The following RUNX1T1 variants were observed in gnomAD, a reference collection of about 807,000 sequenced individuals.
The protein encoded by RUNX1T1 is RUNX1 partner transcriptional co-repressor 1.
A neutral mutation model predicts 62.8 loss-of-function variants in RUNX1T1; 4 were observed. That is an observed-to-expected ratio of 0.06 (90% CI 0.03 to 0.15). The LOEUF (loss-of-function observed/expected upper bound fraction) is 0.15, where lower values mean the gene tolerates loss of function less well. RUNX1T1 is among the 10% of genes least tolerant of loss of function. The probability of loss-of-function intolerance (pLI) is 1.00; values close to 1 mark genes in which losing one functional copy is unlikely to be tolerated. For missense variants in RUNX1T1, 508 were observed against 754.3 expected (o/e 0.67, Z 3.82); for synonymous variants, 291 against 286.0 (o/e 1.02, Z -0.18).
At chr8:91,999,541 C>T (rs1184549588) in intron 5 of RUNX1T1, among the ~76,000 whole-genome samples, 1 of 152,114 alleles carries the variant, frequency 6.6e-6, no homozygotes, top group Non-Finnish European at 1.5e-5. Flanking sequence ...TACAGAATCA[C>T]GGCTATGAGA....
intron 6 of RUNX1T1, among the ~76,000 whole-genome samples, chr8:91,990,067 T>G (rs970451717): frequency 6.6e-6 from 1 of 151,830 alleles, no homozygotes; most frequent in African/African-American, 2.4e-5. Flanking sequence ...GGGAGTTGGG[T>G]GTAGAAAGGT....
intron 1 of RUNX1T1, among the ~76,000 whole-genome samples, chr8:92,052,042 G>A (rs6991006): frequency 0.22 from 33,812 of 152,030 alleles, 3,899 homozygotes; most frequent in African/African-American, 0.27. Flanking sequence ...ACAGGAGGCA[G>A]AGGCCACAAA....
In RUNX1T1 at chr8:91,986,876, T is replaced by G; in HGVS notation, c.996+11A>C. The G allele has an allele frequency of 6.5e-7, 1 of 1,529,742 alleles. No homozygotes were observed. The highest frequency in any genetic ancestry group is 9.1e-7 in the Non-Finnish European group (1 of 1,104,052). 94.8% of individuals were successfully genotyped at this position (1,529,742 alleles called of 1,614,324 possible). On this transcript the variant is annotated intron_variant, in intron 7 of 10. Transcript: ENST00000396218. ...ACATTTTTTAATCCCAAATGATTAC[T>G]GATGTCTTACATGGTCAAGATGTTT... is the stretch of plus-strand genomic sequence containing the variant.
intron 1 of RUNX1T1, among the ~76,000 whole-genome samples, chr8:92,088,537 C>G (rs1836488923): frequency 6.6e-6 from 1 of 152,172 alleles, no homozygotes; most frequent in South Asian, 2.1e-4. Context: ...TTCCACAATA[C>G]AGCTGTGCTA....
chr8:92,102,357 A>T (rs1838076699), upstream of RUNX1T1, among the ~76,000 whole-genome samples: 1 of 150,244 alleles, frequency 6.7e-6, no homozygotes, highest in Non-Finnish European at 1.5e-5. The surrounding 1 kb of genome is among the most constrained non-coding windows in gnomAD (Gnocchi z 4.5). Flanking sequence ...CCGCCTCTTT[A>T]CTCCTTAGGG....
intron 9 of RUNX1T1, among the ~76,000 whole-genome samples, chr8:91,972,621 G>A (rs936915629): frequency 2.6e-5 from 4 of 151,954 alleles, no homozygotes; most frequent in African/African-American, 9.7e-5. Context: ...AATATTCAAG[G>A]TGAATTAAAA....
At chr8:92,075,974 A>G (rs1452425691) in exon 2 of RUNX1T1, 1 of 1,611,126 alleles carries the variant, frequency 6.2e-7, no homozygotes, top group African/African-American at 1.3e-5. Flanking sequence ...CCTTGACAAT[A>G]TTCAAAGTTC....
intron 5 of RUNX1T1, among the ~76,000 whole-genome samples, chr8:92,002,292 A>G (rs1335011385): frequency 6.6e-6 from 1 of 152,150 alleles, no homozygotes; most frequent in East Asian, 1.9e-4. Flanking sequence ...CCAGAGCTAC[A>G]TTTAAAAGAA....
rs1489282085 is a variant in RUNX1T1 at position 92,007,984 on chromosome 8, A to AG, written c.478-2688_478-2687insC. ...CTTTGTTTCAAAAAAAAAAAAAAAA[A>AG]AAAGAAAGAAAGAAAAAGAAAAGGA... On this transcript the variant is annotated intron_variant, in intron 4 of 10. Coordinates refer to ENST00000396218, the Ensembl canonical transcript of RUNX1T1. 3.8e-4 allele frequency among the ~76,000 whole-genome samples: 57 copies of AG among 150,418 alleles called. 1 individual carries two copies. The highest frequency in any genetic ancestry group is 1.3e-3 in the African/African-American group (53 of 40,310).
chr8:92,002,059 T>C lies in RUNX1T1; in HGVS notation c.659+3057A>G, dbSNP rs370590436. 6.6e-5 allele frequency among the ~76,000 whole-genome samples: 10 copies of C among 152,304 alleles called. No homozygotes were observed. In the East Asian group the frequency reaches 1.4e-3, roughly 21 times the overall value. ...CAAAACAAACGATCACATTCCTTTC[T>C]TCAGCATCTCCCACCACAGAATGGT... is the stretch of plus-strand genomic sequence containing the variant. On this transcript the variant is annotated intron_variant, in intron 5 of 10. Transcript: ENST00000396218.
At chr8:91,994,487 C>T (rs1818300547) in intron 5 of RUNX1T1, 1 of 394,770 alleles carries the variant, frequency 2.5e-6, no homozygotes, top group African/African-American at 2.1e-5. Context: ...CAGCACCTAC[C>T]TTACTGGCAT....
chr8:91,980,792 C>T (rs768850861), intron 8 of RUNX1T1, among the ~76,000 whole-genome samples: 2 of 152,114 alleles, frequency 1.3e-5, no homozygotes, highest in Non-Finnish European at 2.9e-5. Context: ...CCATCTTAGC[C>T]TCCTGAGCAA....
chr8:92,076,032 G>A (rs1033444360), exon 2 of RUNX1T1: 2 of 1,610,422 alleles, frequency 1.2e-6, no homozygotes, highest in Admixed American at 3.4e-5. Context: ...CTCTCCAAGT[G>A]TTTCTTTTGA....
chr8:92,100,976 C>A (rs2130954763), upstream of RUNX1T1, among the ~76,000 whole-genome samples: 1 of 152,290 alleles, frequency 6.6e-6, no homozygotes, highest in South Asian at 2.1e-4. Flanking sequence ...CTGCCATAAA[C>A]TAAAAGGAGG....
rs1831031124 is a variant in RUNX1T1, at chr8:92,056,360, C to T, written c.7+6186G>A. Among the ~76,000 whole-genome samples the T allele has an allele frequency of 2.0e-5, 3 of 152,302 alleles. No homozygotes were observed. In the South Asian group the frequency reaches 6.2e-4, roughly 32 times the overall value. On this transcript the variant is annotated intron_variant, in intron 1 of 10. Transcript: ENST00000396218. ...TCCCTTCTTCCTAAAAAGCATTTCA[C>T]CTAGCTGATTATATAGCTCTTAAAG...
chr8:91,997,442 A>T (rs542302885), intron 5 of RUNX1T1, among the ~76,000 whole-genome samples: 18 of 152,150 alleles, frequency 1.2e-4, no homozygotes, highest in Non-Finnish European at 2.6e-4. Context: ...CCTAAGAAAG[A>T]AGAAACTTAA....
At chr8:92,041,609 G>A (rs1206423053) in intron 1 of RUNX1T1, among the ~76,000 whole-genome samples, 1 of 152,024 alleles carries the variant, frequency 6.6e-6, no homozygotes, top group East Asian at 1.9e-4. Flanking sequence ...GGGCGTGGTG[G>A]CATGCGCCTG....
chr8:92,083,766 T>G (rs1835658776), intron 1 of RUNX1T1, among the ~76,000 whole-genome samples: 1 of 152,180 alleles, frequency 6.6e-6, no homozygotes, highest in Admixed American at 6.5e-5. Flanking sequence ...CCCAAAGGAT[T>G]GTAAGTCATT....
chr8:91,978,224 A>C (rs865930204), intron 8 of RUNX1T1, among the ~76,000 whole-genome samples: 2 of 152,356 alleles, frequency 1.3e-5, no homozygotes, highest in Middle Eastern at 3.4e-3. Flanking sequence ...TCTAGCACCC[A>C]GTGAAGCTAG....
Sources: allele counts gnomAD v4.1 joint callset (sites outside exome capture counted in the v4.1 genomes callset), GRCh38; gene constraint gnomAD v4.1.1; non-coding constraint Gnocchi (gnomAD v3.1); transcripts MANE v1.5; gene names NCBI Gene and HGNC (gene_info 2026-07-23, HGNC 2026-07-21).